Variants in FOXP1 observed in about 807,000 individuals in gnomAD.
FOXP1 encodes the protein forkhead box protein P1.
In FOXP1, 15 loss-of-function variants were observed where a neutral mutation model predicts 98.2. The observed-to-expected ratio is 0.15, with a 90% CI of 0.10 to 0.24. The LOEUF is 0.24. Ranked by LOEUF, FOXP1 falls within the 10% of genes least tolerant of loss-of-function variation. FOXP1 has a pLI of 1.00. For missense variants in FOXP1, 633 were observed against 848.5 expected (o/e 0.75, Z 3.15); for synonymous variants, 371 against 314.5 (o/e 1.18, Z -1.90).
intron 19 of FOXP1, 199 bp downstream of exon 19, chr3:70,970,537 T>A (rs552016840): frequency 1.7e-6 from 1 of 587,178 alleles, no homozygotes; most frequent in Non-Finnish European, 3.0e-6. Context: ...TGCCACAATA[T>A]TCAAAATGCT....
intron 12 of FOXP1, among the ~76,000 whole-genome samples, chr3:71,003,216 TG>T (rs2042335284): frequency 6.6e-6 from 1 of 152,152 alleles, no homozygotes; most frequent in Admixed American, 6.5e-5. Context: ...TTCACTTACT[TG>T]ATTACTCCGC....
chr3:71,518,869 T>G (rs1475204428), intron 2 of FOXP1, among the ~76,000 whole-genome samples: 1 of 152,216 alleles, frequency 6.6e-6, no homozygotes, highest in Non-Finnish European at 1.5e-5. Context: ...CCAGACACTA[T>G]GCAAAGCATC....
intron 2 of FOXP1, among the ~76,000 whole-genome samples, chr3:71,559,890 A>T (rs1412709899): frequency 6.6e-6 from 1 of 152,146 alleles, no homozygotes; most frequent in Admixed American, 6.5e-5. Flanking sequence ...GGCCAATGAC[A>T]GACCTACATA....
chr3:71,400,059 T>C (rs2081847293), intron 3 of FOXP1, among the ~76,000 whole-genome samples: 1 of 152,186 alleles, frequency 6.6e-6, no homozygotes, highest in Non-Finnish European at 1.5e-5. Context: ...GATACATAAA[T>C]TTTTTCATGT....
At chr3:71,183,851 T>C (rs2062480550) in intron 6 of FOXP1, among the ~76,000 whole-genome samples, 1 of 152,100 alleles carries the variant, frequency 6.6e-6, no homozygotes, top group African/African-American at 2.4e-5. Flanking sequence ...CAGTAATCTA[T>C]GTTTTAAGAA....
chr3:71,331,115 C>A (rs2076265827), intron 4 of FOXP1, among the ~76,000 whole-genome samples: 1 of 152,064 alleles, frequency 6.6e-6, no homozygotes, highest in Non-Finnish European at 1.5e-5. Flanking sequence ...GCTCCCTCAG[C>A]TTGTGGGGAG....
chr3:71,113,188 G>C (rs530536980), intron 6 of FOXP1, among the ~76,000 whole-genome samples: 1 of 152,130 alleles, frequency 6.6e-6, no homozygotes, highest in Middle Eastern at 3.4e-3. Context: ...GACATACCTA[G>C]GATGACCTTG....
At chr3:71,120,601 C>G (rs2058690375) in intron 6 of FOXP1, among the ~76,000 whole-genome samples, 1 of 152,298 alleles carries the variant, frequency 6.6e-6, no homozygotes, top group South Asian at 2.1e-4. Context: ...TGGAAAGGGA[C>G]AAGAAATAGA....
intron 5 of FOXP1, among the ~76,000 whole-genome samples, chr3:71,220,523 G>T (rs187088997): frequency 1.3e-5 from 2 of 152,242 alleles, no homozygotes; most frequent in Admixed American, 1.3e-4. Context: ...TGAAGCAGGT[G>T]GATCGCCTGA....
chr3:71,277,724 G>A (rs1376564964), intron 5 of FOXP1, among the ~76,000 whole-genome samples: 1 of 151,760 alleles, frequency 6.6e-6, no homozygotes, highest in African/African-American at 2.4e-5. Flanking sequence ...TTACATGTCT[G>A]ACTCCTTTTC....
intron 2 of FOXP1, among the ~76,000 whole-genome samples, chr3:71,562,853 A>G (rs1393725403): frequency 1.3e-5 from 2 of 152,160 alleles, no homozygotes; most frequent in Non-Finnish European, 2.9e-5. Context: ...TCTGGGCCCA[A>G]CAGATACATA....
At chr3:71,517,867 T>A (rs1193071811) in intron 2 of FOXP1, among the ~76,000 whole-genome samples, 1 of 152,228 alleles carries the variant, frequency 6.6e-6, no homozygotes, top group Admixed American at 6.5e-5. Context: ...GTTGCCTGCA[T>A]AGAATGATTG....
chr3:71,066,600 C>T (rs7616330), intron 7 of FOXP1, among the ~76,000 whole-genome samples: 1 of 152,040 alleles, frequency 6.6e-6, no homozygotes, highest in Admixed American at 6.5e-5. Flanking sequence ...GCAGGAAATA[C>T]AAATAAAGGA....
At chr3:71,435,899 G>A (rs867365565) in intron 3 of FOXP1, among the ~76,000 whole-genome samples, 15 of 40,592 alleles carry the variant, frequency 3.7e-4, no homozygotes, top group Admixed American at 9.8e-4. Flanking sequence ...GAGGGAGGGA[G>A]GAAGGGACGG....
intron 2 of FOXP1, among the ~76,000 whole-genome samples, chr3:71,566,615 G>A (rs1040373886): frequency 6.6e-6 from 1 of 152,202 alleles, no homozygotes; most frequent in East Asian, 1.9e-4. Flanking sequence ...GTGAGGGAGA[G>A]AAGCCCAACA....
rs144274165 is a variant in FOXP1 at position 71,015,635 on chromosome 3, G to A, written c.888C>T (p.His296=). ...PKRESLSHEE[H]PHSHPLYGHG... Reference sequence around the variant, plus strand: ...GTCCATAGAGAGGATGGCTATGGGGGTGCTCCTCATGGGACAAACTGAAAG... The same window carrying A: ...GTCCATAGAGAGGATGGCTATGGGGATGCTCCTCATGGGACAAACTGAAAG... Residue 296 remains histidine, a synonymous_variant, in exon 12 of 21, where the codon CAC becomes CAT. Transcript: ENST00000649528. 8 of 1,610,920 alleles carry A rather than the reference G, an allele frequency of 5.0e-6. No individual in the cohort carries two copies. The African/African-American group carries it at 5.3e-5, about 11-fold the overall frequency.
chr3:71,105,474 G>A (rs1158303202), intron 7 of FOXP1, among the ~76,000 whole-genome samples: 1 of 152,148 alleles, frequency 6.6e-6, no homozygotes, highest in Non-Finnish European at 1.5e-5. Flanking sequence ...GGTAATTAGC[G>A]AGGTGGGAGT....
intron 2 of FOXP1, among the ~76,000 whole-genome samples, chr3:71,534,746 T>C (rs568859253): frequency 6.6e-6 from 1 of 152,324 alleles, no homozygotes; most frequent in South Asian, 2.1e-4. Flanking sequence ...TGGAAAACAC[T>C]CTATTTAAGG....
chr3:71,270,898 G>A (rs1202972641), intron 5 of FOXP1, among the ~76,000 whole-genome samples: 1 of 152,168 alleles, frequency 6.6e-6, no homozygotes, highest in South Asian at 2.1e-4. Flanking sequence ...CTCCCAAGGT[G>A]CAAGATATGA....
Sources: gnomAD v4.1 joint callset for allele counts (sites outside exome capture counted in the v4.1 genomes callset) on GRCh38, gnomAD v4.1.1 for gene constraint, MANE v1.5 for transcripts, NCBI Gene and HGNC (gene_info 2026-07-23, HGNC 2026-07-21) for gene names.